PDE12: variants seen among roughly 807,000 people sequenced by gnomAD.
PDE12 encodes 2',5'-phosphodiesterase 12.
Under a neutral mutation model 45.4 loss-of-function variants are expected in PDE12, and 26 were observed. That is an observed-to-expected ratio of 0.57 (90% CI 0.42 to 0.79). PDE12 has a LOEUF of 0.79. Among genes scored for constraint, PDE12 ranks in the 30% least tolerant of loss-of-function variants. The pLI is 0.00. For missense variants in PDE12, 668 were observed against 790.0 expected, an observed-to-expected ratio of 0.85 and a Z score of 1.85; for synonymous variants, 283 against 323.9, an observed-to-expected ratio of 0.87 and a Z score of 1.36.
At chr3:57,646,368 C>T in the PDE12 span, 9 of 1,614,020 alleles carry the variant, frequency 5.6e-6, no homozygotes, top group African/African-American at 2.7e-5. Flanking sequence ...GGCGCCATAA[C>T]CACAAGGGGC....
At chr3:57,590,827 C>G in the PDE12 span, among the ~76,000 whole-genome samples, 4 of 152,078 alleles carry the variant, frequency 2.6e-5, no homozygotes, top group Admixed American at 6.6e-5. Flanking sequence ...TACAGGGGCA[C>G]GCCACCATGC....
the PDE12 span, chr3:57,645,723 G>C: frequency 1.9e-6 from 3 of 1,613,412 alleles, no homozygotes; most frequent in Non-Finnish European, 2.5e-6. Context: ...AATAAGGTCG[G>C]AAATCACTGA....
chr3:57,644,096 AC>A, the PDE12 span, among the ~76,000 whole-genome samples: 1 of 150,858 alleles, frequency 6.6e-6, no homozygotes, highest in Non-Finnish European at 1.5e-5. Flanking sequence ...GTTGCAGTAA[AC>A]CAAGATGGCG....
chr3:57,600,069 T>G, the PDE12 span: 2 of 152,050 alleles, frequency 1.3e-5, no homozygotes, highest in Non-Finnish European at 2.9e-5. Flanking sequence ...GGTCTCACTT[T>G]GTCACCCAAG....
downstream of PDE12, among the ~76,000 whole-genome samples, chr3:57,571,034 G>A (rs541237728): frequency 1.3e-5 from 2 of 151,726 alleles, no homozygotes; most frequent in African/African-American, 4.8e-5. Context: ...GGGGAAACAG[G>A]GTCTTACTAC....
At chr3:57,592,410 C>G in the PDE12 span, among the ~76,000 whole-genome samples, 1 of 152,042 alleles carries the variant, frequency 6.6e-6, no homozygotes, top group African/African-American at 2.4e-5. Context: ...ATTGCTTGAA[C>G]CCAGGAGGCG....
the PDE12 span, among the ~76,000 whole-genome samples, chr3:57,653,893 C>T: frequency 6.7e-6 from 1 of 149,904 alleles, no homozygotes; most frequent in South Asian, 2.1e-4. Context: ...TTATGCTAAG[C>T]TCCCACCACC....
chr3:57,576,361 G>A, the PDE12 span, among the ~76,000 whole-genome samples: 2 of 152,090 alleles, frequency 1.3e-5, no homozygotes, highest in Non-Finnish European at 2.9e-5. Flanking sequence ...GACTGCTAAT[G>A]GTCCAAGATT....
downstream of PDE12, among the ~76,000 whole-genome samples, chr3:57,570,511 CCTGGCCATTGTTATTT>C (rs1319115715): frequency 6.6e-6 from 1 of 151,796 alleles, no homozygotes; most frequent in African/African-American, 2.4e-5. Flanking sequence ...AGCCACCACG[CCTGGCCATTGTTATTT>C]ATTTGACAAT....
chr3:57,566,899 C>T (rs1441139696), downstream of PDE12: 4 of 152,176 alleles, frequency 2.6e-5, no homozygotes, highest in East Asian at 7.7e-4. Context: ...TTAGTCTGTG[C>T]TTCATACATC....
chr3:57,646,436 C>T, the PDE12 span: 2 of 1,612,550 alleles, frequency 1.2e-6, no homozygotes, highest in Non-Finnish European at 1.7e-6. Flanking sequence ...TGGGCAGAAA[C>T]ACCTGAAAGG....
downstream of PDE12, among the ~76,000 whole-genome samples, chr3:57,568,049 TA>T (rs2069801719): frequency 1.1e-5 from 1 of 93,624 alleles, no homozygotes. Context: ...GCCTGGGTGA[TA>T]AGAGTGAGAC....
At chr3:57,653,982 C>T in the PDE12 span, among the ~76,000 whole-genome samples, 1 of 121,764 alleles carries the variant, frequency 8.2e-6, no homozygotes, top group Admixed American at 9.6e-5. Flanking sequence ...GAGTCTCACT[C>T]TGTCACCCAG....
the PDE12 span, among the ~76,000 whole-genome samples, chr3:57,574,467 G>A: frequency 1.3e-5 from 2 of 149,738 alleles, no homozygotes; most frequent in Non-Finnish European, 3.0e-5. Context: ...GGGGTGCAAT[G>A]GGCACAATCA....
In PDE12 at chr3:57,556,440, C is replaced by A. The variant is rs12638783; in HGVS notation, c.61C>A (p.Leu21Met). ...GGTGATCCGGACGGCGGTGGAGAAG[C>A]TGAGCCGGGCTGAAGCGGGGAGCCA... is the stretch of plus-strand genomic sequence containing the variant. ...LRVIRTAVEKLSRAEAGSQTA... is the reference protein window; with the variant it reads ...LRVIRTAVEKMSRAEAGSQTA... Residue 21 changes from leucine (L) to methionine (M), a missense_variant, in exon 1 of 3, where the codon CTG becomes ATG. Leu to Met is a conservative substitution (Grantham distance 15). This residue lies in a region of PDE12 where 580 missense variants were observed against 662.9 expected (regional missense o/e 0.87). Transcript: ENST00000311180. This position sits in a 1 kb window ranked among gnomAD's most constrained non-coding sequence, Gnocchi z 5.0. The A allele has an allele frequency of 1.1e-5, 18 of 1,612,368 alleles. No individual in the cohort carries two copies. The highest frequency in any genetic ancestry group is 1.5e-5 in the Non-Finnish European group (18 of 1,179,510).
At chr3:57,636,710 G>T in the PDE12 span, among the ~76,000 whole-genome samples, 580 of 152,244 alleles carry the variant, frequency 3.8e-3, 3 homozygotes, top group Non-Finnish European at 4.9e-3. Flanking sequence ...GCTGAGGCGG[G>T]TGGATCACCT....
downstream of PDE12, among the ~76,000 whole-genome samples, chr3:57,570,374 C>T (rs1402994100): frequency 8.3e-6 from 1 of 120,298 alleles, no homozygotes; most frequent in Non-Finnish European, 1.6e-5. Flanking sequence ...GCACACCAGA[C>T]CCTTTTTTTT....
the PDE12 span, among the ~76,000 whole-genome samples, chr3:57,594,249 C>G: frequency 1.3e-5 from 2 of 152,126 alleles, no homozygotes; most frequent in Non-Finnish European, 2.9e-5. Context: ...AAATAAAATA[C>G]AGACGCTATT....
chr3:57,617,884 AC>A, the PDE12 span, among the ~76,000 whole-genome samples: 24 of 152,026 alleles, frequency 1.6e-4, no homozygotes, highest in African/African-American at 5.8e-4. Context: ...AAAAAAAAAA[AC>A]AAAAAAACCA....
Sources: gnomAD v4.1 joint callset for allele counts (sites outside exome capture counted in the v4.1 genomes callset) on GRCh38, gnomAD v4.1.1 for gene constraint, gnomAD v4.1.1 regional missense constraint, Gnocchi (gnomAD v3.1) non-coding constraint, MANE v1.5 for transcripts, NCBI Gene and HGNC (gene_info 2026-07-23, HGNC 2026-07-21) for gene names.